The following CENPL variants were observed in gnomAD, a reference collection of about 807,000 sequenced individuals.
The protein encoded by CENPL is interphase centromere complex protein 33.
CENPL carries 20 observed loss-of-function variants against 35.2 expected under a neutral mutation model. The observed-to-expected ratio is 0.57, with a 90% confidence interval of 0.40 to 0.83. CENPL has a LOEUF of 0.83. Ranked by LOEUF, CENPL falls within the 40% of genes least tolerant of loss-of-function variation. The pLI is 0.00. For synonymous variants in CENPL, 140 were observed against 140.6 expected (o/e 1.00, Z 0.03); for missense variants, 363 against 395.8 (o/e 0.92, Z 0.70).
chr1:173,800,440 A>G lies in CENPL; in HGVS notation c.*8T>C. 1.7e-6 allele frequency: 2 copies of G among 1,184,302 alleles called. No individual in the cohort carries two copies. Among genetic ancestry groups the G allele is most frequent in the Non-Finnish European group, 2.5e-6 (2 of 790,820 alleles). 73.4% of individuals were successfully genotyped at this position (1,184,302 alleles called of 1,614,324 possible). A position where few individuals can be genotyped will look rare whatever the true frequency, so the allele number is the denominator to read the frequency against. ...ATATAATCTATAACTTATAGTCCACATAAGGCTTCACTCAATTTGAAAAAT... is the reference window on the plus strand; with the variant it reads ...ATATAATCTATAACTTATAGTCCACGTAAGGCTTCACTCAATTTGAAAAAT... On this transcript the variant is annotated 3_prime_UTR_variant, in exon 6 of 6. Transcript: ENST00000682279.
intron 2 of CENPL, among the ~76,000 whole-genome samples, chr1:173,818,629 G>A (rs1159858073): frequency 2.0e-5 from 3 of 152,152 alleles, no homozygotes; most frequent in African/African-American, 7.2e-5. Context: ...GTGTGTGTGT[G>A]TGCTGAATGA....
chr1:173,821,651 ATG>A (rs1254738324), intron 2 of CENPL, among the ~76,000 whole-genome samples: 2 of 152,136 alleles, frequency 1.3e-5, no homozygotes, highest in African/African-American at 2.4e-5. Flanking sequence ...ACACTCAAGA[ATG>A]TGTAATTTTT....
Position 173,811,287 on chromosome 1 carries a change from T to C in CENPL, c.13A>G (p.Ser5Gly). Reference protein sequence around the residue: MDSYSAPESTPSASS... With the variant: MDSYGAPESTPSASS... ...GCACTAGGAGTTGACTCTGGTGCAC[T>C]GTAAGAATCCATGGTCTGTCTGCAT... is the stretch of plus-strand genomic sequence containing the variant. Residue 5 changes from serine to glycine, a missense_variant, in exon 3 of 6, where the codon AGT (serine) becomes GGT (glycine). By Grantham distance (56) the Ser-to-Gly change is moderately conservative. Transcript: ENST00000682279. The C allele has an allele frequency of 6.2e-7, 1 of 1,602,600 alleles. No homozygotes were observed. The highest frequency in any genetic ancestry group is 8.5e-7 in the Non-Finnish European group (1 of 1,171,480).
intron 2 of CENPL, among the ~76,000 whole-genome samples, chr1:173,814,596 T>G (rs531134450): frequency 1.3e-5 from 2 of 152,028 alleles, no homozygotes; most frequent in Non-Finnish European, 2.9e-5. Context: ...GGTTAAATAA[T>G]AAAATGAAGG....
At chr1:173,822,597 A>G (rs1045155116) in intron 2 of CENPL, 2 of 151,948 alleles carry the variant, frequency 1.3e-5, no homozygotes, top group Non-Finnish European at 2.9e-5. Flanking sequence ...CAACTACTGT[A>G]CTCTGTTTTG....
chr1:173,812,891 T>C lies in CENPL; in HGVS notation c.-7-1585A>G, dbSNP rs539188080. Among the ~76,000 whole-genome samples, 22 of 152,186 alleles carry C rather than the reference T, an allele frequency of 1.4e-4. No homozygotes were observed. The South Asian group carries it at 2.9e-3, about 20-fold the overall frequency. ...CAAACTTCTCAGAGCTAAAGGAGCA[T>C]GTTGTAACCCATCGCAAGGAAGCTA... is the stretch of plus-strand genomic sequence containing the variant. On this transcript the variant is annotated intron_variant, in intron 2 of 5. Transcript: ENST00000682279.
At chr1:173,823,335 C>G (rs1652174379) in intron 2 of CENPL, 1 of 152,038 alleles carries the variant, frequency 6.6e-6, no homozygotes, top group Non-Finnish European at 1.5e-5. Context: ...TCCCCAAGAT[C>G]CATCGACATT....
intron 2 of CENPL, among the ~76,000 whole-genome samples, chr1:173,812,288 C>G (rs2102590591): frequency 6.6e-6 from 1 of 152,374 alleles, no homozygotes; most frequent in South Asian, 2.1e-4. Flanking sequence ...TTAAACATCC[C>G]TGTCTGACAG....
chr1:173,820,107 G>A (rs1167597587), intron 2 of CENPL, among the ~76,000 whole-genome samples: 1 of 151,936 alleles, frequency 6.6e-6, no homozygotes, highest in African/African-American at 2.4e-5. Context: ...CTCAAATTTG[G>A]GAATATTTGT....
Position 173,811,995 on chromosome 1 carries a change from C to T in CENPL, c.-7-689G>A, listed in dbSNP as rs536383996. On this transcript the variant is annotated intron_variant, in intron 2 of 5. Transcript: ENST00000682279. The stretch of plus-strand genomic sequence containing the variant: ...CACTTTTCCATATGGCCCTGGCAAC[C>T]GGCAGACTAGGAGATTCTCTCCCGT... Among the ~76,000 whole-genome samples the T allele has an allele frequency of 1.5e-4, 23 of 152,374 alleles. 1 individual carries two copies. The highest frequency in any genetic ancestry group is 9.8e-4 in the Admixed American group (15 of 15,304).
Position 173,811,231 on chromosome 1 carries a change from A to T in CENPL, c.69T>A (p.Gly23=), listed in dbSNP as rs773958233. The change falls in exon 3 of 6, where the codon GGT becomes GGA. Residue 23 remains glycine (G), a synonymous_variant. Transcript: ENST00000682279. The part of the protein sequence containing the change: ...ASSRPEDYFI[G]ATPLQKRLES... ...CTAATCGTTTCTGCAGAGGAGTGGCACCTATAAAGTAATCTTCAGGTCTTG... is the reference window on the plus strand; with the variant it reads ...CTAATCGTTTCTGCAGAGGAGTGGCTCCTATAAAGTAATCTTCAGGTCTTG... 2 of 1,613,468 alleles carry T rather than the reference A, an allele frequency of 1.2e-6. No individual in the cohort carries two copies. The highest frequency in any genetic ancestry group is 2.7e-5 in the African/African-American group (2 of 74,926).
chr1:173,801,375 T>G (rs1227634139), intron 5 of CENPL, among the ~76,000 whole-genome samples: 1 of 145,404 alleles, frequency 6.9e-6, no homozygotes, highest in Non-Finnish European at 1.5e-5. Flanking sequence ...ATTAGCCAAG[T>G]ATGGTGGTGG....
chr1:173,802,779 C>A (rs1649868769), intron 5 of CENPL, among the ~76,000 whole-genome samples, 184 bp downstream of exon 5: 3 of 152,172 alleles, frequency 2.0e-5, no homozygotes, highest in Non-Finnish European at 2.9e-5. Context: ...TAGTGTCCTT[C>A]CATTATAAGG....
At position 173,819,098 on chromosome 1, in the gene CENPL, G is replaced by T. The variant is rs547374792; in HGVS notation, c.-8+4828C>A. On this transcript the variant is annotated intron_variant, in intron 2 of 5. Coordinates refer to ENST00000682279, the MANE Select transcript of CENPL (RefSeq NM_001387287.1). ...AAAAATAAAAAATAACTAGCCAGGT[G>T]TGGTAGTGCACACCTGTGGTCCCAG... 3.3e-5 allele frequency among the ~76,000 whole-genome samples: 5 copies of T among 152,148 alleles called. No homozygotes were observed. In the East Asian group the frequency reaches 5.8e-4, roughly 18 times the overall value.
intron 3 of CENPL, chr1:173,808,444 T>C (rs971382381): frequency 1.3e-5 from 2 of 151,950 alleles, no homozygotes; most frequent in Non-Finnish European, 2.9e-5. Flanking sequence ...ATCTACTTTA[T>C]GAAACCATGC....
intron 2 of CENPL, among the ~76,000 whole-genome samples, chr1:173,821,299 T>C (rs974096008): frequency 3.9e-5 from 6 of 152,032 alleles, no homozygotes; most frequent in Non-Finnish European, 7.4e-5. Context: ...CAAGTTAGAG[T>C]GGAAGAGTCA....
intron 4 of CENPL, among the ~76,000 whole-genome samples, chr1:173,806,896 A>C (rs1650281495): frequency 6.6e-6 from 1 of 152,126 alleles, no homozygotes; most frequent in South Asian, 2.1e-4. Flanking sequence ...TTTTATACTA[A>C]AATTCTACTT....
Position 173,807,455 on chromosome 1 carries a change from T to A in CENPL, c.232A>T (p.Thr78Ser), listed in dbSNP as rs1203940804. The change falls in exon 4 of 6, where the codon ACT (threonine) becomes TCT (serine). Residue 78 changes from threonine (T) to serine (S), a missense_variant. Thr to Ser is a moderately conservative substitution (Grantham distance 58, BLOSUM62 1). Coordinates refer to ENST00000682279, the MANE Select transcript of CENPL (RefSeq NM_001387287.1). ...LHKQWTLYSL[T>S]PLYKFSYSNL... ...CTATAGGAGAATTTATATAAGGGAG[T>A]TAAACTATATAAAGTCCACTGTTTA... The A allele has an allele frequency of 6.3e-7, 1 of 1,599,288 alleles. No homozygotes were observed.
chr1:173,813,461 G>A (rs1571963725), intron 2 of CENPL, among the ~76,000 whole-genome samples: 1 of 152,262 alleles, frequency 6.6e-6, no homozygotes, highest in South Asian at 2.1e-4. Context: ...AGCCCATCAG[G>A]CTAACAGCGG....
Sources: allele counts gnomAD v4.1 joint callset (sites outside exome capture counted in the v4.1 genomes callset), GRCh38; gene constraint gnomAD v4.1.1; transcripts MANE v1.5; gene names NCBI Gene and HGNC (gene_info 2026-07-23, HGNC 2026-07-21).